Variants in FHIT observed in about 807,000 individuals in gnomAD.
FHIT encodes the protein fragile histidine triad diadenosine triphosphatase.
Under a neutral mutation model 17.9 loss-of-function variants are expected in FHIT, and 19 were observed. The observed-to-expected ratio is 1.06, with a 90% CI of 0.74 to 1.56. The LOEUF is 1.56. Ranked by LOEUF, FHIT falls within the 40% of genes most tolerant of loss-of-function variation. The pLI is 0.00. For missense variants in FHIT, 248 were observed against 189.2 expected (o/e 1.31, Z -1.82); for synonymous variants, 81 against 69.7 (o/e 1.16, Z -0.81).
At chr3:60,634,903 A>G (rs1553683385) in intron 4 of FHIT, among the ~76,000 whole-genome samples, 1 of 152,208 alleles carries the variant, frequency 6.6e-6, no homozygotes. Context: ...TCTATTTCCC[A>G]GGCTGGAGTG....
chr3:59,825,751 G>A (rs537642305), intron 8 of FHIT, among the ~76,000 whole-genome samples: 2 of 152,232 alleles, frequency 1.3e-5, no homozygotes, highest in Admixed American at 6.5e-5. Context: ...AAAAGTCAAT[G>A]GACTGAGATA....
intron 8 of FHIT, among the ~76,000 whole-genome samples, chr3:59,834,137 T>C (rs1372807995): frequency 6.6e-6 from 1 of 152,150 alleles, no homozygotes; most frequent in African/African-American, 2.4e-5. Context: ...GGCAGCACAA[T>C]GCAATGGTCA....
chr3:61,018,263 T>C (rs759851220), intron 3 of FHIT, among the ~76,000 whole-genome samples: 1 of 152,160 alleles, frequency 6.6e-6, no homozygotes, highest in Non-Finnish European at 1.5e-5. Context: ...AACACTAAGA[T>C]ACATGTGACT....
At chr3:60,681,833 G>T (rs1053539969) in intron 4 of FHIT, among the ~76,000 whole-genome samples, 1 of 152,160 alleles carries the variant, frequency 6.6e-6, no homozygotes, top group South Asian at 2.1e-4. Flanking sequence ...GATAGCAGAG[G>T]CTGATTCATG....
At chr3:60,187,802 T>C (rs987706000) in intron 5 of FHIT, among the ~76,000 whole-genome samples, 1 of 152,308 alleles carries the variant, frequency 6.6e-6, no homozygotes, top group African/African-American at 2.4e-5. Flanking sequence ...TTCATTTGCA[T>C]CTCTCTCTTC....
chr3:60,599,426 G>A (rs944386953), intron 4 of FHIT, among the ~76,000 whole-genome samples: 4 of 152,088 alleles, frequency 2.6e-5, no homozygotes, highest in Non-Finnish European at 2.9e-5. Flanking sequence ...AGGATGTGAG[G>A]CTCAAAGATA....
chr3:59,852,071 C>T (rs1490832039), intron 8 of FHIT, among the ~76,000 whole-genome samples: 3 of 152,154 alleles, frequency 2.0e-5, no homozygotes, highest in East Asian at 3.9e-4. Context: ...TTGAGTAGTT[C>T]TGAAAATCAC....
chr3:61,206,492 A>C lies in FHIT; in HGVS notation c.-212-5827T>G, dbSNP rs1357568629. 1.3e-4 allele frequency among the ~76,000 whole-genome samples: 20 copies of C among 151,960 alleles called. No homozygotes were observed. In the East Asian group the frequency reaches 3.1e-3, roughly 23 times the overall value. ...ATTTGTTTGTATCCTCTTTTATTTC[A>C]TTGAGCAGTGGTTTGTAGTTCTCCT... On this transcript the variant is annotated intron_variant, in intron 1 of 9. Transcript: ENST00000492590.
chr3:60,459,004 G>C (rs1448616496), intron 5 of FHIT, among the ~76,000 whole-genome samples: 1 of 151,716 alleles, frequency 6.6e-6, no homozygotes, highest in Non-Finnish European at 1.5e-5. Flanking sequence ...CTGGTTTCGA[G>C]CTCCTGGGCT....
At chr3:59,941,086 G>T (rs1258065614) in intron 7 of FHIT, among the ~76,000 whole-genome samples, 3 of 152,212 alleles carry the variant, frequency 2.0e-5, no homozygotes, top group Non-Finnish European at 4.4e-5. Context: ...AAAAAGGAGA[G>T]ACAGGAAGTA....
At chr3:60,387,533 G>A (rs1208238118) in intron 5 of FHIT, among the ~76,000 whole-genome samples, 2 of 152,128 alleles carry the variant, frequency 1.3e-5, no homozygotes, top group Non-Finnish European at 2.9e-5. Flanking sequence ...TTTAACACAA[G>A]TCAAAAGCAT....
intron 5 of FHIT, among the ~76,000 whole-genome samples, chr3:60,503,556 G>A (rs554554947): frequency 1.1e-4 from 17 of 152,078 alleles, no homozygotes; most frequent in African/African-American, 3.9e-4. Flanking sequence ...ATTTTATATT[G>A]GTTGTGGCAT....
intron 4 of FHIT, among the ~76,000 whole-genome samples, chr3:60,606,343 T>A (rs1357234722): frequency 4.0e-5 from 6 of 151,500 alleles, no homozygotes; most frequent in African/African-American, 1.2e-4. Context: ...CGGATTCAAG[T>A]GATTCTCATG....
At chr3:61,128,020 G>C (rs1335578500) in intron 2 of FHIT, among the ~76,000 whole-genome samples, 2 of 152,206 alleles carry the variant, frequency 1.3e-5, no homozygotes. Context: ...AACCAAGTCT[G>C]TGTGACAATA....
At chr3:60,383,141 C>T (rs980196032) in intron 5 of FHIT, among the ~76,000 whole-genome samples, 2 of 151,968 alleles carry the variant, frequency 1.3e-5, no homozygotes, top group African/African-American at 4.8e-5. Context: ...AAATGTTTAC[C>T]GATAGAAAAA....
At chr3:60,073,683 T>C (rs986370175) in intron 5 of FHIT, among the ~76,000 whole-genome samples, 3 of 152,224 alleles carry the variant, frequency 2.0e-5, no homozygotes, top group Admixed American at 1.3e-4. Flanking sequence ...GTCACCCTAC[T>C]AAGTAAGTGT....
chr3:60,371,294 G>T (rs1242710733), intron 5 of FHIT, among the ~76,000 whole-genome samples: 1 of 152,028 alleles, frequency 6.6e-6, no homozygotes, highest in East Asian at 1.9e-4. Context: ...ATGTAATTGG[G>T]ATATCCACCA....
intron 7 of FHIT, among the ~76,000 whole-genome samples, chr3:59,967,642 A>G: frequency 6.6e-6 from 1 of 152,194 alleles, no homozygotes; most frequent in East Asian, 1.9e-4. Flanking sequence ...GGTTGGTGGA[A>G]GCTTGGCAAA....
In FHIT at chr3:60,816,717, G is replaced by T. The variant is rs74768414; in HGVS notation, c.-18+5202C>A. On this transcript the variant is annotated intron_variant, in intron 4 of 9. Coordinates refer to ENST00000492590, the MANE Select transcript of FHIT (RefSeq NM_002012.4). The stretch of plus-strand genomic sequence containing the variant: ...TTTCTTTTTTTTTTATTGTGTGTTT[G>T]TCAGGTTTGCTATCAGGGTGATGCA... Among the ~76,000 whole-genome samples the T allele has an allele frequency of 6.9e-3, 1,047 of 151,660 alleles. 18 individuals are homozygous for T. Among genetic ancestry groups the T allele is most frequent in the African/African-American group, 0.024 (987 of 41,418 alleles).
Sources: allele counts gnomAD v4.1 joint callset (sites outside exome capture counted in the v4.1 genomes callset), GRCh38; gene constraint gnomAD v4.1.1; transcripts MANE v1.5; gene names NCBI Gene and HGNC (gene_info 2026-07-23, HGNC 2026-07-21).